Variants in RHD observed in about 807,000 individuals in gnomAD.
The protein encoded by RHD is blood group Rh(D) polypeptide.
A neutral mutation model predicts 45.5 loss-of-function variants in RHD; 16 were observed. The observed-to-expected ratio is 0.35, with a 90% CI of 0.24 to 0.53. The LOEUF is 0.53. Among genes scored for constraint, RHD ranks in the 20% least tolerant of loss-of-function variants. RHD has a pLI of 0.92. For synonymous variants in RHD, 131 were observed against 217.5 expected (o/e 0.60, Z 3.50); for missense variants, 306 against 532.0 (o/e 0.58, Z 4.18).
At chr1:25,322,101 G>A (rs1209748541) in intron 9 of RHD, 139 bp downstream of exon 9, 5 of 501,902 alleles carry the variant, frequency 1.0e-5, no homozygotes, top group African/African-American at 5.8e-5. Context: ...AGGAACTAGA[G>A]GAGAAACAAA....
Position 25,290,820 on chromosome 1 carries a change from T to C in RHD, c.486+29T>C. ...AGTCATGGTGCTGGGAGGAGGGACC[T>C]GGGAGAAAAGGGCCAAAAGCTCCAT... is the stretch of plus-strand genomic sequence containing the variant. On this transcript the variant is annotated intron_variant, in intron 3 of 9. Coordinates refer to ENST00000328664, the MANE Select transcript of RHD (RefSeq NM_016124.6). 3.6e-6 allele frequency: 5 copies of C among 1,374,410 alleles called. 1 individual carries two copies. Among genetic ancestry groups the C allele is most frequent in the Non-Finnish European group, 4.1e-6 (4 of 976,298 alleles). 85.1% of individuals were successfully genotyped at this position (1,374,410 alleles called of 1,614,324 possible).
chr1:25,307,119 A>C lies in RHD; in HGVS notation c.1073+390A>C, dbSNP rs1265255225. Among the ~76,000 whole-genome samples, 6 of 132,614 alleles carry C rather than the reference A, an allele frequency of 4.5e-5. 3 individuals carry two copies. The highest frequency in any genetic ancestry group is 1.1e-4 in the Non-Finnish European group (6 of 56,094). 87.0% of individuals were successfully genotyped at this position (132,614 alleles called of 152,430 possible). A position where few individuals can be genotyped will look rare whatever the true frequency, so the allele number is the denominator to read the frequency against. Reference sequence around the variant, plus strand: ...ATGTGGCTTAACCTTTCTCAGCCTCAGTCGCCCCATTGTAAATGGAGATAA... The same window carrying C: ...ATGTGGCTTAACCTTTCTCAGCCTCCGTCGCCCCATTGTAAATGGAGATAA... On this transcript the variant is annotated intron_variant, in intron 7 of 9. Coordinates refer to ENST00000328664, the MANE Select transcript of RHD (RefSeq NM_016124.6).
intron 3 of RHD, among the ~76,000 whole-genome samples, chr1:25,292,655 G>T (rs11488397): frequency 0.03 from 3,853 of 129,398 alleles, 607 homozygotes; most frequent in African/African-American, 0.094. Context: ...GGTTGGGGGA[G>T]GGGGGGTAGA....
rs368875262 is a variant in RHD at position 25,287,154 on chromosome 1, C to T, written c.335+2395C>T. 6.7e-5 allele frequency among the ~76,000 whole-genome samples: 9 copies of T among 134,824 alleles called. 1 individual carries two copies. Among genetic ancestry groups the T allele is most frequent in the Admixed American group, 1.4e-4 (2 of 14,012 alleles). The allele number at this position is 134,824 out of a possible 152,430, so 88.4% of individuals were successfully genotyped here. On this transcript the variant is annotated intron_variant, in intron 2 of 9. Coordinates refer to ENST00000328664, the MANE Select transcript of RHD (RefSeq NM_016124.6). Reference sequence around the variant, plus strand: ...TTCCCACCAGAATTCAATACACACACGCACACATGCACGCATACACACACT... The same window carrying T: ...TTCCCACCAGAATTCAATACACACATGCACACATGCACGCATACACACACT...
rs1270372282 is a variant in RHD at position 25,297,936 on chromosome 1, G to A, written c.487-3010G>A. On this transcript the variant is annotated intron_variant, in intron 3 of 9. Coordinates refer to ENST00000328664, the MANE Select transcript of RHD (RefSeq NM_016124.6). ...CTATGAGAAGCCACTGAGATCCCAG[G>A]TAGTCTGTGCTCTCCATCTTTTGGC... Among the ~76,000 whole-genome samples, 7 of 131,452 alleles carry A rather than the reference G, an allele frequency of 5.3e-5. 2 individuals carry two copies. Among genetic ancestry groups the A allele is most frequent in the Non-Finnish European group, 1.1e-4 (6 of 55,696 alleles). The allele number at this position is 131,452 out of a possible 152,430, so 86.2% of individuals were successfully genotyped here.
In RHD at chr1:25,318,443, C is replaced by T. The variant is rs1644523797; in HGVS notation, c.1153+1364C>T. The stretch of plus-strand genomic sequence containing the variant: ...TCTCTACCAGAAATACAAAAATTAG[C>T]CAGGCGTGGTGGCGTGTGCCTGTAG... On this transcript the variant is annotated intron_variant, in intron 8 of 9. Coordinates refer to ENST00000328664, the MANE Select transcript of RHD (RefSeq NM_016124.6). 1.5e-5 allele frequency among the ~76,000 whole-genome samples: 2 copies of T among 130,540 alleles called. 1 individual carries two copies. Among genetic ancestry groups the T allele is most frequent in the Non-Finnish European group, 3.6e-5 (2 of 55,068 alleles). 85.6% of individuals were successfully genotyped at this position (130,540 alleles called of 152,430 possible). A position where few individuals can be genotyped will look rare whatever the true frequency, so the allele number is the denominator to read the frequency against.
At chr1:25,296,831 C>T (rs600203) in intron 3 of RHD, among the ~76,000 whole-genome samples, 1,916 of 124,406 alleles carry the variant, frequency 0.015, 265 homozygotes, top group Non-Finnish European at 0.024. Flanking sequence ...CTGAGGCCTC[C>T]CCGGCCATGC....
chr1:25,292,167 T>C lies in RHD; in HGVS notation c.486+1376T>C, dbSNP rs112085638. ...TGAATTAATCACATGAGATGATGCATGTTTACAAAAAAAAGCATGAAGCCC... is the reference window on the plus strand; with the variant it reads ...TGAATTAATCACATGAGATGATGCACGTTTACAAAAAAAAGCATGAAGCCC... On this transcript the variant is annotated intron_variant, in intron 3 of 9. Transcript: ENST00000328664. 1.8e-4 allele frequency among the ~76,000 whole-genome samples: 24 copies of C among 132,486 alleles called. 1 individual carries two copies. In the East Asian group the frequency reaches 3.5e-3, roughly 19 times the overall value. 86.9% of individuals were successfully genotyped at this position (132,486 alleles called of 152,430 possible).
intron 3 of RHD, among the ~76,000 whole-genome samples, chr1:25,295,602 T>G (rs1642865026): frequency 9.6e-6 from 1 of 103,760 alleles, no homozygotes; most frequent in African/African-American, 3.3e-5. Context: ...GTGGCAGAAG[T>G]GTAACGCAGG....
At chr1:25,304,704 A>G (rs1643661553) in intron 6 of RHD, 1 of 132,288 alleles carries the variant, frequency 7.6e-6, no homozygotes, top group African/African-American at 2.6e-5. Flanking sequence ...GGTAATTAAA[A>G]AATAAAATTA....
chr1:25,306,485 C>T (rs1643846079), intron 6 of RHD, 111 bp from the exon 7 acceptor site: 1 of 1,041,328 alleles, frequency 9.6e-7, no homozygotes, highest in Admixed American at 1.8e-5. Flanking sequence ...TGAGGTGAGC[C>T]TTAGTGCCCA....
Position 25,307,714 on chromosome 1 carries a change from G to C in RHD, c.1073+985G>C, listed in dbSNP as rs2257611. ...TGATGAGGAGCTGATGCGTTTGGAC[G>C]TGTCTCAGAGAAATCATGGAGGCGC... On this transcript the variant is annotated intron_variant, in intron 7 of 9. Coordinates refer to ENST00000328664, the MANE Select transcript of RHD (RefSeq NM_016124.6). The C allele has an allele frequency of 3.8e-6, 5 of 1,307,020 alleles. 1 individual carries two copies. The highest frequency in any genetic ancestry group is 2.9e-5 in the African/African-American group (2 of 67,914). The allele number at this position is 1,307,020 out of a possible 1,614,324, so 81.0% of individuals were successfully genotyped here.
In RHD at chr1:25,302,468, G is replaced by A. The variant is rs1643463688; in HGVS notation, c.801+782G>A. Among the ~76,000 whole-genome samples the A allele has an allele frequency of 1.5e-5, 2 of 129,578 alleles. 1 individual carries two copies. Among genetic ancestry groups the A allele is most frequent in the Non-Finnish European group, 3.6e-5 (2 of 54,980 alleles). 85.0% of individuals were successfully genotyped at this position (129,578 alleles called of 152,430 possible). A position where few individuals can be genotyped will look rare whatever the true frequency, so the allele number is the denominator to read the frequency against. On this transcript the variant is annotated intron_variant, in intron 5 of 9. Coordinates refer to ENST00000328664, the MANE Select transcript of RHD (RefSeq NM_016124.6). ...AGAATTCAGTGCTAAGAGGAAGTGA[G>A]TGGCCATGAGTTCCATGGTGACAGA...
At chr1:25,275,659 T>C (rs1272185466) in intron 1 of RHD, among the ~76,000 whole-genome samples, 1 of 133,086 alleles carries the variant, frequency 7.5e-6, no homozygotes, top group Non-Finnish European at 1.8e-5. Flanking sequence ...ATTAGGAAAA[T>C]TGAAAGAGAT....
chr1:25,303,637 T>C (rs1207379408), intron 6 of RHD, among the ~76,000 whole-genome samples, 178 bp downstream of exon 6: 1 of 130,314 alleles, frequency 7.7e-6, no homozygotes, highest in African/African-American at 2.6e-5. Flanking sequence ...GTTAAGATGC[T>C]CGGGAGCAGG....
chr1:25,306,698 G>A lies in RHD; in HGVS notation c.1042G>A (p.Val348Met), dbSNP rs546425801. 4 of 1,378,568 alleles carry A rather than the reference G, an allele frequency of 2.9e-6. No individual in the cohort carries two copies. The Admixed American group carries it at 5.3e-5, about 18-fold the overall frequency. 85.4% of individuals were successfully genotyped at this position (1,378,568 alleles called of 1,614,324 possible). The change falls in exon 7 of 10, where the codon GTG becomes ATG. Residue 348 changes from valine (V) to methionine (M), a missense_variant. Transcript: ENST00000328664. ...LGEIIYIVLL[V>M]LDTVGAGNGM... ...AGAGATCATCTACATTGTGCTGCTGGTGCTTGATACCGTCGGAGCCGGCAA... is the reference window on the plus strand; with the variant it reads ...AGAGATCATCTACATTGTGCTGCTGATGCTTGATACCGTCGGAGCCGGCAA...
intron 1 of RHD, among the ~76,000 whole-genome samples, 165 bp downstream of exon 1, chr1:25,272,860 A>G (rs1250510206): frequency 7.6e-6 from 1 of 131,482 alleles, no homozygotes; most frequent in Non-Finnish European, 1.8e-5. Context: ...CCAACAATGT[A>G]AGCTTTCCTT....
Position 25,315,278 on chromosome 1 carries a change from C to G in RHD, c.1074-1722C>G, listed in dbSNP as rs1644381190. 1.5e-5 allele frequency among the ~76,000 whole-genome samples: 2 copies of G among 129,246 alleles called. 1 individual carries two copies. Among genetic ancestry groups the G allele is most frequent in the Non-Finnish European group, 3.6e-5 (2 of 55,132 alleles). The allele number at this position is 129,246 out of a possible 152,430, so 84.8% of individuals were successfully genotyped here. On this transcript the variant is annotated intron_variant, in intron 7 of 9. Transcript: ENST00000328664. Reference sequence around the variant, plus strand: ...TTTTTCAGTCATTCAACAAATATTTCCCTGAGGTTTTGATAACCTGAACTG... The same window carrying G: ...TTTTTCAGTCATTCAACAAATATTTGCCTGAGGTTTTGATAACCTGAACTG...
At chr1:25,305,488 C>CCAGAT (rs57346192) in intron 6 of RHD, among the ~76,000 whole-genome samples, 2 of 128,138 alleles carry the variant, frequency 1.6e-5, no homozygotes, top group East Asian at 2.0e-4. Context: ...CCTCCACCTC[C>CCAGAT]TGGGTTCAAG....
Sources: allele counts gnomAD v4.1 joint callset (sites outside exome capture counted in the v4.1 genomes callset), GRCh38; gene constraint gnomAD v4.1.1; transcripts MANE v1.5; gene names NCBI Gene and HGNC (gene_info 2026-07-23, HGNC 2026-07-21).